PLCL1: variants seen among roughly 807,000 people sequenced by gnomAD.
PLCL1 encodes phospholipase C like 1 (inactive), also known as inactive phospholipase C-like protein 1.
PLCL1 carries 41 observed loss-of-function variants against 84.4 expected under a neutral mutation model. That is an observed-to-expected ratio of 0.49 (90% CI 0.38 to 0.63). The LOEUF (loss-of-function observed/expected upper bound fraction) is 0.63, where lower values mean the gene tolerates loss of function less well. Ranked by LOEUF, PLCL1 falls within the 30% of genes least tolerant of loss-of-function variation. PLCL1 has a pLI of 0.00. For missense variants in PLCL1, 1,206 were observed against 1,367.8 expected (o/e 0.88, Z 1.87); for synonymous variants, 490 against 488.3 (o/e 1.00, Z -0.05).
At chr2:198,052,280 C>A (rs1322512344) in intron 1 of PLCL1, among the ~76,000 whole-genome samples, 2 of 151,882 alleles carry the variant, frequency 1.3e-5, no homozygotes, top group Non-Finnish European at 2.9e-5. Context: ...AATCTCTTGA[C>A]CTCATCGTGA....
At chr2:197,922,806 G>A in intron 1 of PLCL1, among the ~76,000 whole-genome samples, 1 of 134,656 alleles carries the variant, frequency 7.4e-6, no homozygotes, top group African/African-American at 2.7e-5. Flanking sequence ...CCCGGACGGG[G>A]CGGCTGGCCG....
At chr2:198,050,734 C>T (rs1691907059) in intron 1 of PLCL1, among the ~76,000 whole-genome samples, 1 of 152,044 alleles carries the variant, frequency 6.6e-6, no homozygotes, top group Admixed American at 6.5e-5. Flanking sequence ...TTAAAAATTC[C>T]CCTTCTAGTT....
intron 1 of PLCL1, among the ~76,000 whole-genome samples, chr2:197,950,848 A>T (rs947078402): frequency 2.0e-5 from 3 of 152,142 alleles, no homozygotes; most frequent in Non-Finnish European, 4.4e-5. Flanking sequence ...CCTATAATGA[A>T]GTTGTTTCCA....
chr2:198,112,690 G>A (rs1402719969), intron 5 of PLCL1, among the ~76,000 whole-genome samples: 3 of 151,738 alleles, frequency 2.0e-5, no homozygotes, highest in Non-Finnish European at 4.4e-5. Flanking sequence ...TCTATTAAAC[G>A]TTTAAAAATA....
intron 1 of PLCL1, among the ~76,000 whole-genome samples, chr2:197,807,773 A>C (rs1690512742): frequency 6.6e-6 from 1 of 152,220 alleles, no homozygotes; most frequent in Non-Finnish European, 1.5e-5. Context: ...ATGCTGTTCC[A>C]AATAGCTGTA....
chr2:197,976,875 C>T, intron 1 of PLCL1, among the ~76,000 whole-genome samples: 1 of 152,226 alleles, frequency 6.6e-6, no homozygotes, highest in East Asian at 1.9e-4. Flanking sequence ...AGTTCTGCCT[C>T]TTTGCAATCT....
chr2:197,874,863 T>C (rs1252656869), intron 1 of PLCL1, among the ~76,000 whole-genome samples: 1 of 152,172 alleles, frequency 6.6e-6, no homozygotes, highest in East Asian at 1.9e-4. Flanking sequence ...AATAGTAGGA[T>C]AGATAACTAA....
intron 1 of PLCL1, among the ~76,000 whole-genome samples, chr2:198,067,144 T>TA (rs1174032844): frequency 0.018 from 2,703 of 150,454 alleles, 87 homozygotes; most frequent in African/African-American, 0.063. Flanking sequence ...TTTTTTTTTT[T>TA]AGAGACGGAG....
At chr2:197,861,020 C>T (rs1244692600) in intron 1 of PLCL1, among the ~76,000 whole-genome samples, 3 of 152,002 alleles carry the variant, frequency 2.0e-5, no homozygotes, top group Non-Finnish European at 4.4e-5. Context: ...TGATCTTCAC[C>T]CAGTTTCCTG....
At chr2:197,988,124 G>A (rs1333026827) in intron 1 of PLCL1, among the ~76,000 whole-genome samples, 4 of 152,204 alleles carry the variant, frequency 2.6e-5, no homozygotes, top group South Asian at 2.1e-4. Flanking sequence ...GTAGGAGCAT[G>A]TAGAAGCTGA....
chr2:198,099,934 T>G (rs1693290828), intron 3 of PLCL1, among the ~76,000 whole-genome samples: 1 of 152,172 alleles, frequency 6.6e-6, no homozygotes, highest in Non-Finnish European at 1.5e-5. Context: ...TTATGCTTAT[T>G]TTTCAGTACT....
chr2:197,883,035 T>G (rs1020670188), intron 1 of PLCL1, among the ~76,000 whole-genome samples: 2 of 152,126 alleles, frequency 1.3e-5, no homozygotes, highest in African/African-American at 4.8e-5. Flanking sequence ...AATGGTTAAC[T>G]TGATGGGGGA....
intron 1 of PLCL1, among the ~76,000 whole-genome samples, chr2:198,024,627 G>A (rs1160415990): frequency 1.3e-5 from 2 of 152,064 alleles, no homozygotes; most frequent in East Asian, 3.9e-4. Context: ...GCAAGGTGTG[G>A]TGACACATGC....
intron 1 of PLCL1, among the ~76,000 whole-genome samples, chr2:198,035,237 G>T (rs1314835301): frequency 1.3e-5 from 2 of 152,190 alleles, no homozygotes; most frequent in Non-Finnish European, 2.9e-5. Flanking sequence ...TGTGCTGTTG[G>T]ATTAAGATTA....
intron 1 of PLCL1, among the ~76,000 whole-genome samples, chr2:197,907,055 T>C (rs1688398842): frequency 6.6e-6 from 1 of 152,070 alleles, no homozygotes. Context: ...ATAAGAGCTA[T>C]TTATGACAAA....
At chr2:198,104,256 T>A (rs750927412) in intron 5 of PLCL1, among the ~76,000 whole-genome samples, 1 of 151,948 alleles carries the variant, frequency 6.6e-6, no homozygotes, top group African/African-American at 2.4e-5. Flanking sequence ...GTGGTCTCAT[T>A]GTTTAGTTCC....
At chr2:198,064,467 T>C (rs1692278732) in intron 1 of PLCL1, among the ~76,000 whole-genome samples, 3 of 152,232 alleles carry the variant, frequency 2.0e-5, no homozygotes, top group Non-Finnish European at 1.5e-5. Context: ...CAGTGAACTT[T>C]ATGTTTTTAT....
chr2:198,111,322 G>T (rs1004283709), intron 5 of PLCL1, among the ~76,000 whole-genome samples: 5 of 151,814 alleles, frequency 3.3e-5, no homozygotes, highest in African/African-American at 9.7e-5. Context: ...GTCTTTAAAA[G>T]CTTCTGCCCA....
intron 1 of PLCL1, among the ~76,000 whole-genome samples, chr2:198,076,010 C>T (rs1026145350): frequency 6.6e-6 from 1 of 152,170 alleles, no homozygotes; most frequent in African/African-American, 2.4e-5. Context: ...TGGATGGAAA[C>T]TATACAGAAG....
Sources: allele counts gnomAD v4.1 joint callset (sites outside exome capture counted in the v4.1 genomes callset), GRCh38; gene constraint gnomAD v4.1.1; transcripts MANE v1.5; gene names NCBI Gene and HGNC (gene_info 2026-07-23, HGNC 2026-07-21).